Variants in AMPD3 observed in about 807,000 individuals in gnomAD.
The protein encoded by AMPD3 is adenosine monophosphate deaminase 3.
Under a neutral mutation model 82.3 loss-of-function variants are expected in AMPD3, and 57 were observed. The observed-to-expected ratio is 0.69, with a 90% CI of 0.56 to 0.86. AMPD3 has a LOEUF of 0.86. AMPD3 is among the 40% of genes least tolerant of loss of function. AMPD3 has a pLI of 0.00. For missense variants in AMPD3, 870 were observed against 1,003.8 expected, an observed-to-expected ratio of 0.87 and a Z score of 1.80; for synonymous variants, 381 against 394.7, an observed-to-expected ratio of 0.97 and a Z score of 0.41.
intron 11 of AMPD3, chr11:10,500,785 C>G: frequency 1.0e-6 from 1 of 985,474 alleles, no homozygotes. Flanking sequence ...GGCAGAGGCT[C>G]CTACCAATAC....
rs146002789 is a variant in AMPD3, at chr11:10,506,211, G to C, written c.*327G>C. On this transcript the variant is annotated 3_prime_UTR_variant, in exon 15 of 15. Transcript: ENST00000396553. This position sits in a 1 kb window ranked among gnomAD's most constrained non-coding sequence, Gnocchi z 4.1. ...AGGATTTTCCCTGGTCAGATGCCAAGTAACATGTGGTTTTCTGCCATACTT... is the reference window on the plus strand; with the variant it reads ...AGGATTTTCCCTGGTCAGATGCCAACTAACATGTGGTTTTCTGCCATACTT... The C allele has an allele frequency of 9.5e-4, 339 of 357,804 alleles. 3 individuals carry two copies. The highest frequency in any genetic ancestry group is 6.6e-3 in the African/African-American group (315 of 47,764). The allele number at this position is 357,804 out of a possible 1,614,324, so 22.2% of individuals were successfully genotyped here.
chr11:10,491,212 C>T (rs576399661), intron 6 of AMPD3, among the ~76,000 whole-genome samples: 2 of 152,300 alleles, frequency 1.3e-5, no homozygotes, highest in East Asian at 1.9e-4. Flanking sequence ...AGGCTGCTGT[C>T]GTCCTCCCCC....
chr11:10,505,360 G>A (rs1176186785), intron 14 of AMPD3: 8 of 904,456 alleles, frequency 8.8e-6, no homozygotes, highest in Non-Finnish European at 1.0e-5. Flanking sequence ...CAGGAACATT[G>A]TCCTTGTCAG....
chr11:10,482,180 G>A lies in AMPD3; in HGVS notation c.544G>A (p.Gly182Ser), dbSNP rs1266094775. The change falls in exon 4 of 15, where the codon GGT becomes AGT. Residue 182 changes from glycine (G) to serine (S), a missense_variant. Gly to Ser is a moderately conservative substitution (Grantham distance 56). Transcript: ENST00000396553. ...CCCGCGGATCACATCCCAGTACCTG[G>A]GTCATCCGCGGGCGGATACTGCACC... ...RFPRITSQYLGHPRADTAPPE... is the reference protein window; with the variant it reads ...RFPRITSQYLSHPRADTAPPE... 1 of 1,613,604 alleles carries A rather than the reference G, an allele frequency of 6.2e-7. No homozygotes were observed. The highest frequency in any genetic ancestry group is 1.7e-5 in the Admixed American group (1 of 60,030).
chr11:10,493,667 C>A, intron 7 of AMPD3, 124 bp downstream of exon 7: 1 of 1,100,360 alleles, frequency 9.1e-7, no homozygotes, highest in Non-Finnish European at 1.3e-6. Flanking sequence ...TCTCTTCTAT[C>A]TGACTGAGAG....
At chr11:10,504,421 T>C in intron 13 of AMPD3, 128 bp from the exon 14 acceptor site, 5 of 1,060,930 alleles carry the variant, frequency 4.7e-6, no homozygotes, top group Non-Finnish European at 7.3e-6. Context: ...TGATGTTTGA[T>C]GATCCAGGTG....
At chr11:10,489,696 T>C (rs1041375820) in intron 6 of AMPD3, among the ~76,000 whole-genome samples, 9 of 152,010 alleles carry the variant, frequency 5.9e-5, no homozygotes, top group Non-Finnish European at 1.0e-4. Context: ...TTTTTTTTTT[T>C]TGAGATGAAG....
chr11:10,472,176 A>G (rs1259052302), intron 2 of AMPD3, among the ~76,000 whole-genome samples: 1 of 152,226 alleles, frequency 6.6e-6, no homozygotes, highest in East Asian at 1.9e-4. Flanking sequence ...CATCATTCTC[A>G]GCAAACTAAC....
intron 1 of AMPD3, chr11:10,460,988 C>T: frequency 1.0e-6 from 1 of 985,426 alleles, no homozygotes; most frequent in Non-Finnish European, 1.2e-6. Flanking sequence ...CAGATTCTTT[C>T]TCTTCAGCAA....
intron 5 of AMPD3, chr11:10,486,820 T>A (rs12295125): frequency 0.047 from 46,061 of 985,226 alleles, 1,749 homozygotes; most frequent in South Asian, 0.23. Context: ...AAGGAGGAGA[T>A]GAAGGAGGGA....
At chr11:10,486,760 A>G in intron 5 of AMPD3, 1 of 985,214 alleles carries the variant, frequency 1.0e-6, no homozygotes. Flanking sequence ...TGGGCAACAA[A>G]CTCCTTCTTC....
At position 10,494,924 on chromosome 11, in the gene AMPD3, A is replaced by G. The variant is rs1849348153; in HGVS notation, c.1160A>G (p.Asp387Gly). ...GGCCGGCAGACATTCCACCGCTTTG[A>G]CAAGTTCAACTCCAAATACAACCCT... ...HAGRQTFHRF[D>G]KFNSKYNPVG... The change falls in exon 8 of 15, where the codon GAC (aspartate) becomes GGC (glycine). Residue 387 changes from aspartate to glycine, a missense_variant. By Grantham distance (94) the Asp-to-Gly change is moderately conservative. Coordinates refer to ENST00000396553, the MANE Select transcript of AMPD3 (RefSeq NM_001025389.2). 1.2e-6 allele frequency: 2 copies of G among 1,614,198 alleles called. No homozygotes were observed. The highest frequency in any genetic ancestry group is 1.7e-6 in the Non-Finnish European group (2 of 1,180,022).
In AMPD3 at chr11:10,455,496, G is replaced by A. The variant is rs183801454; in HGVS notation, c.-6+48G>A. The A allele has an allele frequency of 2.1e-5, 20 of 949,042 alleles. No homozygotes were observed. The Admixed American group carries it at 9.9e-4, about 47-fold the overall frequency. 58.8% of individuals were successfully genotyped at this position (949,042 alleles called of 1,614,324 possible). A position where few individuals can be genotyped will look rare whatever the true frequency, so the allele number is the denominator to read the frequency against. ...TGGGCTCCGGTGGGTCAGTTGGGGT[G>A]TACTCCTTTTCTGTGTGTGTGGATG... On this transcript the variant is annotated intron_variant, in intron 1 of 14. Transcript: ENST00000396553.
At chr11:10,455,037 T>G, upstream of AMPD3, 1 of 558,854 alleles carries the variant, frequency 1.8e-6, no homozygotes, top group Non-Finnish European at 2.3e-6. Flanking sequence ...AATTATGATG[T>G]GAGCTCAGTA....
At chr11:10,458,381 TTC>T (rs1242215783) in intron 1 of AMPD3, among the ~76,000 whole-genome samples, 16 of 152,284 alleles carry the variant, frequency 1.1e-4, no homozygotes, top group Middle Eastern at 3.4e-3. Context: ...TTTCCTATTT[TTC>T]TCTCTTTTCA....
chr11:10,465,617 G>A (rs1848396605), intron 2 of AMPD3, among the ~76,000 whole-genome samples: 1 of 152,156 alleles, frequency 6.6e-6, no homozygotes, highest in South Asian at 2.1e-4. Flanking sequence ...AAGGGATGGG[G>A]GAATTATCTT....
At chr11:10,486,574 G>A (rs900760824) in intron 5 of AMPD3, 69 of 985,054 alleles carry the variant, frequency 7.0e-5, no homozygotes, top group East Asian at 1.1e-4. Context: ...TTTCTGTCTC[G>A]GTAACAAATA....
At chr11:10,502,666 T>A in intron 12 of AMPD3, 55 bp from the exon 13 acceptor site, 1 of 1,606,278 alleles carries the variant, frequency 6.2e-7, no homozygotes, top group South Asian at 1.1e-5. Flanking sequence ...TCCCTTCCCT[T>A]TTCCCTTCTC....
At position 10,500,226 on chromosome 11, in the gene AMPD3, C is replaced by T; in HGVS notation, c.1698C>T (p.Ile566=). Residue 566 remains isoleucine (I), a synonymous_variant, in exon 11 of 15, where the codon ATC becomes ATT. Transcript: ENST00000396553. The part of the protein sequence containing the change: ...SYYLYYMYAN[I]MVLNNLRRER... The stretch of plus-strand genomic sequence containing the variant: ...ACCTGTACTACATGTATGCCAACAT[C>T]ATGGTGCTCAACAACCTCCGCAGGT... 6.2e-7 allele frequency: 1 copy of T among 1,614,230 alleles called. No homozygotes were observed.
Sources: allele counts gnomAD v4.1 joint callset (sites outside exome capture counted in the v4.1 genomes callset), GRCh38; gene constraint gnomAD v4.1.1; non-coding constraint Gnocchi (gnomAD v3.1); transcripts MANE v1.5; gene names NCBI Gene and HGNC (gene_info 2026-07-23, HGNC 2026-07-21).